COBL: variants seen among roughly 807,000 people sequenced by gnomAD.
COBL encodes protein cordon-bleu.
Under a neutral mutation model 98.8 loss-of-function variants are expected in COBL, and 51 were observed. The observed-to-expected ratio is 0.52, with a 90% CI of 0.41 to 0.65. The LOEUF (loss-of-function observed/expected upper bound fraction) is 0.65, where lower values mean the gene tolerates loss of function less well. COBL is among the 30% of genes least tolerant of loss of function. The pLI is 0.00. For missense variants in COBL, 1,617 were observed against 1,617.5 expected (o/e 1.00, Z 0.01); for synonymous variants, 634 against 651.7 (o/e 0.97, Z 0.41).
At chr7:51,259,943 G>T in intron 1 of COBL, 2 of 758,252 alleles carry the variant, frequency 2.6e-6, no homozygotes, top group East Asian at 2.4e-5. Flanking sequence ...AAGGCATGAG[G>T]TTTCACTTCT....
At chr7:51,260,012 C>G in intron 1 of COBL, 1 of 765,626 alleles carries the variant, frequency 1.3e-6, no homozygotes, top group South Asian at 1.4e-5. Flanking sequence ...AGGAATGATT[C>G]CAGTCGTTTA....
At chr7:51,227,739 T>TTGGA (rs1430199506) in intron 1 of COBL, among the ~76,000 whole-genome samples, 1 of 152,190 alleles carries the variant, frequency 6.6e-6, no homozygotes, top group African/African-American at 2.4e-5. Context: ...ATACCTTTTC[T>TTGGA]TGGAGCTCAG....
At chr7:51,107,042 T>C (rs1465525609) in intron 6 of COBL, among the ~76,000 whole-genome samples, 1 of 151,338 alleles carries the variant, frequency 6.6e-6, no homozygotes, top group African/African-American at 2.4e-5. Flanking sequence ...CAAGCTTACA[T>C]ATCCCTCACC....
intron 5 of COBL, among the ~76,000 whole-genome samples, chr7:51,145,153 T>G (rs543102294): frequency 1.4e-4 from 21 of 151,966 alleles, no homozygotes; most frequent in African/African-American, 5.1e-4. Flanking sequence ...TAGCTGGGAT[T>G]ATAGGTGCCC....
At chr7:51,171,454 G>A (rs2129043564) in intron 5 of COBL, among the ~76,000 whole-genome samples, 1 of 152,186 alleles carries the variant, frequency 6.6e-6, no homozygotes, top group African/African-American at 2.4e-5. Context: ...AGTGTTTCCT[G>A]GGGGCTTACT....
chr7:51,043,472 G>A lies in COBL; in HGVS notation c.1317C>T (p.Cys439=), dbSNP rs753868118. 7 of 1,614,208 alleles carry A rather than the reference G, an allele frequency of 4.3e-6. No homozygotes were observed. The highest frequency in any genetic ancestry group is 5.1e-6 in the Non-Finnish European group (6 of 1,180,032). Residue 439 remains cysteine (C), a synonymous_variant, in exon 8 of 13, where the codon TGC becomes TGT. Transcript: ENST00000265136. Reference sequence around the variant, plus strand: ...GGGTTCCAGCGAGGTCCTGGTCACTGCAGTCTTCCTGGTCTGTGGCCCACT... The same window carrying A: ...GGGTTCCAGCGAGGTCCTGGTCACTACAGTCTTCCTGGTCTGTGGCCCACT... ...KDKWATDQED[C]SDQDLAGTPD...
At chr7:51,230,013 G>T (rs1794596108) in intron 1 of COBL, among the ~76,000 whole-genome samples, 1 of 152,110 alleles carries the variant, frequency 6.6e-6, no homozygotes, top group South Asian at 2.1e-4. Flanking sequence ...GCAGGCTGCA[G>T]TATCACCTGA....
At chr7:51,293,631 C>T in intron 1 of COBL, among the ~76,000 whole-genome samples, 1 of 152,196 alleles carries the variant, frequency 6.6e-6, no homozygotes, top group Non-Finnish European at 1.5e-5. Flanking sequence ...GTGTCACACA[C>T]ATCAAAATTC....
chr7:51,267,460 A>T (rs1275845569), intron 1 of COBL, among the ~76,000 whole-genome samples: 1 of 151,842 alleles, frequency 6.6e-6, no homozygotes, highest in Non-Finnish European at 1.5e-5. Flanking sequence ...CCATTTTCAT[A>T]CATTCATTTA....
intron 1 of COBL, among the ~76,000 whole-genome samples, chr7:51,224,472 G>A (rs552212977): frequency 1.3e-5 from 2 of 152,168 alleles, no homozygotes; most frequent in South Asian, 4.2e-4. Context: ...CCTAGCCGAG[G>A]TGGCCTTGAA....
intron 6 of COBL, among the ~76,000 whole-genome samples, chr7:51,098,364 A>G (rs532005251): frequency 1.3e-5 from 2 of 152,170 alleles, no homozygotes; most frequent in South Asian, 4.1e-4. Context: ...CTGGTTTCAA[A>G]ACATATTACA....
At chr7:51,309,394 G>A (rs147387062) in intron 1 of COBL, among the ~76,000 whole-genome samples, 2 of 152,264 alleles carry the variant, frequency 1.3e-5, no homozygotes, top group Admixed American at 1.3e-4. Flanking sequence ...GACTCCCGAG[G>A]TGGGCTTTTA....
chr7:51,224,806 C>T (rs979605232), intron 1 of COBL, among the ~76,000 whole-genome samples: 2 of 152,150 alleles, frequency 1.3e-5, no homozygotes, highest in Admixed American at 1.3e-4. Context: ...CAGGCATACC[C>T]GGCTACCAAA....
At chr7:51,190,817 T>C (rs2129056772) in intron 4 of COBL, 33 bp downstream of exon 4, 9 of 1,573,370 alleles carry the variant, frequency 5.7e-6, no homozygotes, top group Non-Finnish European at 7.9e-6. Flanking sequence ...CGTGTGATTA[T>C]GGGCAGGTGC....
chr7:51,304,332 C>T (rs1802261756), intron 1 of COBL, among the ~76,000 whole-genome samples: 1 of 152,224 alleles, frequency 6.6e-6, no homozygotes, highest in Non-Finnish European at 1.5e-5. Flanking sequence ...ATTCATTCTC[C>T]CCACAGTCCC....
chr7:51,178,353 A>G (rs985988171), intron 5 of COBL, among the ~76,000 whole-genome samples: 36 of 152,344 alleles, frequency 2.4e-4, no homozygotes, highest in African/African-American at 8.7e-4. Context: ...GCAAAAGGTT[A>G]TAAAAGATTT....
chr7:51,147,355 T>C (rs1257452167), intron 5 of COBL, among the ~76,000 whole-genome samples: 3 of 152,218 alleles, frequency 2.0e-5, no homozygotes. Context: ...ATAAATTTAA[T>C]TTTCTCAGCA....
At chr7:51,031,557 G>T (rs1018804614) in intron 8 of COBL, 1 of 152,526 alleles carries the variant, frequency 6.6e-6, no homozygotes, top group African/African-American at 2.4e-5. Flanking sequence ...GGAGGGTTGT[G>T]CAGGGCTGCA....
intron 1 of COBL, among the ~76,000 whole-genome samples, chr7:51,231,679 G>C (rs1794772599): frequency 6.6e-6 from 1 of 152,224 alleles, no homozygotes; most frequent in Admixed American, 6.5e-5. Context: ...CAGGGCTCAG[G>C]TGACCCAAGA....
Sources: allele counts gnomAD v4.1 joint callset (sites outside exome capture counted in the v4.1 genomes callset), GRCh38; gene constraint gnomAD v4.1.1; transcripts MANE v1.5; gene names NCBI Gene and HGNC (gene_info 2026-07-23, HGNC 2026-07-21).